Variants in DGKG observed in about 807,000 individuals in gnomAD.
The protein encoded by DGKG is DAG kinase gamma.
DGKG carries 78 observed loss-of-function variants against 105.3 expected under a neutral mutation model. That is an observed-to-expected ratio of 0.74 (90% CI 0.62 to 0.89). DGKG has a LOEUF of 0.89. DGKG is among the 40% of genes least tolerant of loss of function. The pLI is 0.00. For missense variants in DGKG, 958 were observed against 1,020.1 expected (o/e 0.94, Z 0.83); for synonymous variants, 346 against 367.1 (o/e 0.94, Z 0.66).
At chr3:186,244,126 G>A (rs942522141) in intron 19 of DGKG, among the ~76,000 whole-genome samples, 2 of 151,900 alleles carry the variant, frequency 1.3e-5, no homozygotes, top group African/African-American at 4.8e-5. Flanking sequence ...CGAACCTCAG[G>A]TGATCTGCCC....
intron 12 of DGKG, 61 bp from the exon 13 acceptor site, chr3:186,267,838 G>T: frequency 1.3e-6 from 2 of 1,521,274 alleles, no homozygotes; most frequent in Non-Finnish European, 1.8e-6. Context: ...CAAACATGAA[G>T]GTGGAGAGGT....
intron 21 of DGKG, among the ~76,000 whole-genome samples, chr3:186,195,276 GCAAAACAAAAAAAAA>G (rs1041013150): frequency 4.4e-4 from 62 of 140,496 alleles, no homozygotes; most frequent in African/African-American, 1.5e-3. Context: ...CTAGTTTATA[GCAAAACAAAAAAAAA>G]CAAAACAAAA....
In DGKG at chr3:186,147,890, A is replaced by G; in HGVS notation, c.*2200T>C. On this transcript the variant is annotated 3_prime_UTR_variant, in exon 25 of 25. Transcript: ENST00000265022. Reference sequence around the variant, plus strand: ...GAGCTTGTTGGTCCCATCACCAAGAATACCATCATTAAAGATATTCTTCAG... The same window carrying G: ...GAGCTTGTTGGTCCCATCACCAAGAGTACCATCATTAAAGATATTCTTCAG... The G allele has an allele frequency of 1.0e-6, 1 of 985,438 alleles. No homozygotes were observed. Among genetic ancestry groups the G allele is most frequent in the Non-Finnish European group, 1.2e-6 (1 of 829,946 alleles). 61.0% of individuals were successfully genotyped at this position (985,438 alleles called of 1,614,324 possible).
chr3:186,351,816 C>T (rs768000378), intron 1 of DGKG, among the ~76,000 whole-genome samples: 1 of 152,228 alleles, frequency 6.6e-6, no homozygotes, highest in East Asian at 1.9e-4. Flanking sequence ...GATCCAGTTT[C>T]GGTTCTGACA....
At chr3:186,296,903 CA>C (rs1421166176) in intron 5 of DGKG, among the ~76,000 whole-genome samples, 1 of 152,188 alleles carries the variant, frequency 6.6e-6, no homozygotes, top group Non-Finnish European at 1.5e-5. Flanking sequence ...AACTTATTAG[CA>C]ACTCCTCAAC....
intron 17 of DGKG, among the ~76,000 whole-genome samples, chr3:186,256,301 G>A (rs1266889540): frequency 6.6e-6 from 1 of 152,180 alleles, no homozygotes; most frequent in Non-Finnish European, 1.5e-5. Flanking sequence ...TCTACTTACA[G>A]CCCCCGGAGG....
Position 186,327,353 on chromosome 3 carries a change from C to T in DGKG, c.-248-6646G>A, listed in dbSNP as rs1368088547. 2.7e-5 allele frequency among the ~76,000 whole-genome samples: 4 copies of T among 147,490 alleles called. No individual in the cohort carries two copies. The South Asian group carries it at 6.5e-4, about 24-fold the overall frequency. ...TATTTCCCCCTTTCCTCCTCCTTCT[C>T]CTCCTCCTCCTCCTCCTCCTTATTC... On this transcript the variant is annotated intron_variant, in intron 1 of 24. Coordinates refer to ENST00000265022, the MANE Select transcript of DGKG (RefSeq NM_001346.3).
Position 186,188,359 on chromosome 3 carries a change from G to A in DGKG, c.1938C>T (p.Asp646=). 1 of 1,614,054 alleles carries A rather than the reference G, an allele frequency of 6.2e-7. No individual in the cohort carries two copies. Among genetic ancestry groups the A allele is most frequent in the South Asian group, 1.1e-5 (1 of 91,084 alleles). The change falls in exon 22 of 25, where the codon GAC becomes GAT. Residue 646 remains aspartate (D), a synonymous_variant. Coordinates refer to ENST00000265022, the MANE Select transcript of DGKG (RefSeq NM_001346.3). The part of the protein sequence containing the change: ...IELECDGVGV[D]LSNIFLEGIA... ...TGCCTTCCAGGAAGATGTTGCTCAGGTCCACCCCAACCCCATCACACTGGA... is the reference window on the plus strand; with the variant it reads ...TGCCTTCCAGGAAGATGTTGCTCAGATCCACCCCAACCCCATCACACTGGA...
intron 24 of DGKG, among the ~76,000 whole-genome samples, chr3:186,150,744 G>A (rs932533981): frequency 2.0e-5 from 3 of 152,176 alleles, no homozygotes; most frequent in Non-Finnish European, 2.9e-5. Flanking sequence ...CTTGGCCTTC[G>A]AGGGAAGACC....
chr3:186,281,123 A>C (rs1035656598), intron 7 of DGKG: 8 of 180,018 alleles, frequency 4.4e-5, no homozygotes, highest in Non-Finnish European at 8.3e-5. Flanking sequence ...GTCACTTCTT[A>C]TCACTCATCC....
intron 20 of DGKG, among the ~76,000 whole-genome samples, chr3:186,215,343 G>A (rs1320047016): frequency 1.3e-5 from 2 of 151,254 alleles, no homozygotes; most frequent in African/African-American, 2.4e-5. Context: ...CCCGGGAGGC[G>A]GAGGATGCAG....
chr3:186,317,912 A>T (rs2268815), intron 2 of DGKG, among the ~76,000 whole-genome samples: 99,282 of 151,910 alleles, frequency 0.65, 32,579 homozygotes, highest in African/African-American at 0.69. Context: ...CAAATCAACA[A>T]TCCCAAACAT....
intron 10 of DGKG, among the ~76,000 whole-genome samples, chr3:186,275,185 G>A (rs1231041620): frequency 6.6e-6 from 1 of 152,094 alleles, no homozygotes; most frequent in Non-Finnish European, 1.5e-5. Flanking sequence ...GGCCCCAAAT[G>A]CTTATTAATT....
intron 2 of DGKG, among the ~76,000 whole-genome samples, chr3:186,312,330 C>T (rs570799306): frequency 4.6e-5 from 7 of 152,178 alleles, no homozygotes; most frequent in South Asian, 2.1e-4. Flanking sequence ...CTGTAATGTG[C>T]GTATGAGTCA....
rs1724081044 is a variant in DGKG, at chr3:186,303,605, G to A, written c.144+3296C>T. ...TTGACAACATAAATAACTTGCTGAAGATCATAAAGCGTGTGGCAGAGCTGG... is the reference window on the plus strand; with the variant it reads ...TTGACAACATAAATAACTTGCTGAAAATCATAAAGCGTGTGGCAGAGCTGG... On this transcript the variant is annotated intron_variant, in intron 3 of 24. Transcript: ENST00000265022. Among the ~76,000 whole-genome samples the A allele has an allele frequency of 3.3e-5, 5 of 152,322 alleles. No individual in the cohort carries two copies. The South Asian group carries it at 1.0e-3, about 32-fold the overall frequency.
chr3:186,202,880 A>G (rs560602790), intron 21 of DGKG, among the ~76,000 whole-genome samples: 1 of 152,368 alleles, frequency 6.6e-6, no homozygotes, highest in African/African-American at 2.4e-5. Context: ...AATCTTTAAA[A>G]GTTACTTCTA....
chr3:186,229,778 C>A (rs1306756508), intron 20 of DGKG, among the ~76,000 whole-genome samples: 2 of 152,180 alleles, frequency 1.3e-5, no homozygotes, highest in Admixed American at 1.3e-4. Context: ...CTCATTTTGG[C>A]TGAATGAAGA....
chr3:186,285,052 T>C (rs1722999736), intron 6 of DGKG, among the ~76,000 whole-genome samples: 1 of 152,162 alleles, frequency 6.6e-6, no homozygotes, highest in African/African-American at 2.4e-5. Context: ...GGCACCAGAA[T>C]TTTTCTTCTA....
At chr3:186,211,611 C>A (rs1266966394) in intron 21 of DGKG, among the ~76,000 whole-genome samples, 184 bp downstream of exon 21, 1 of 152,206 alleles carries the variant, frequency 6.6e-6, no homozygotes, top group Non-Finnish European at 1.5e-5. Context: ...CAGGGATTCT[C>A]TAGACAGGCC....
Sources: gnomAD v4.1 joint callset for allele counts (sites outside exome capture counted in the v4.1 genomes callset) on GRCh38, gnomAD v4.1.1 for gene constraint, MANE v1.5 for transcripts, NCBI Gene and HGNC (gene_info 2026-07-23, HGNC 2026-07-21) for gene names.